Variants in ADAMTSL4 observed in about 807,000 individuals in gnomAD.
The protein encoded by ADAMTSL4 is ADAMTS-like protein 4.
ADAMTSL4 carries 97 observed loss-of-function variants against 122.8 expected under a neutral mutation model. The ratio of observed to expected loss-of-function variants is 0.79; its 90% CI spans 0.67 to 0.93. The LOEUF is 0.93. Ranked by LOEUF, ADAMTSL4 falls within the 40% of genes least tolerant of loss-of-function variation. The pLI, the probability that ADAMTSL4 is intolerant of heterozygous loss-of-function variation, is 0.00. For synonymous variants in ADAMTSL4, 592 were observed against 568.0 expected (o/e 1.04, Z -0.60); for missense variants, 1,408 against 1,453.5 (o/e 0.97, Z 0.51).
In ADAMTSL4 at chr1:150,552,252, C is replaced by T. The variant is rs200990322; in HGVS notation, c.-37C>T. On this transcript the variant is annotated 5_prime_UTR_variant, in exon 3 of 19. Transcript: ENST00000271643. This position sits in a 1 kb window ranked among gnomAD's most constrained non-coding sequence, Gnocchi z 4.0. Reference sequence around the variant, plus strand: ...GCCTGCGTAGTTTTTGTGACCAGTCCGCTCCTGCCTCCCCCTGGGGCAGTA... The same window carrying T: ...GCCTGCGTAGTTTTTGTGACCAGTCTGCTCCTGCCTCCCCCTGGGGCAGTA... The T allele has an allele frequency of 2.3e-5, 36 of 1,549,534 alleles. No individual in the cohort carries two copies. The highest frequency in any genetic ancestry group is 1.6e-4 in the Admixed American group (8 of 50,892).
In ADAMTSL4 at chr1:150,556,711, G is replaced by C. The variant is rs773684053; in HGVS notation, c.1667G>C (p.Arg556Pro). 1.4e-5 allele frequency: 23 copies of C among 1,613,882 alleles called. No individual in the cohort carries two copies. Among genetic ancestry groups the C allele is most frequent in the East Asian group, 2.2e-5 (1 of 44,882 alleles). Reference sequence around the variant, plus strand: ...TACAGGGCCGGCGGGACCGTCTTTCGATATAACCGTCCTCCCAGGGAGGAG... The same window carrying C: ...TACAGGGCCGGCGGGACCGTCTTTCCATATAACCGTCCTCCCAGGGAGGAG... Reference protein sequence around the residue: ...GSYRAGGTVFRYNRPPREEGK... With the variant: ...GSYRAGGTVFPYNRPPREEGK... The change falls in exon 10 of 19, where the codon CGA becomes CCA. Residue 556 changes from arginine (R) to proline (P), a missense_variant. Physicochemically the swap from Arg to Pro is moderately radical, Grantham distance 103. Coordinates refer to ENST00000271643, the MANE Select transcript of ADAMTSL4 (RefSeq NM_019032.6). The surrounding 1 kb of genome is among the most constrained non-coding windows in gnomAD (Gnocchi z 4.1).
At position 150,556,928 on chromosome 1, in the gene ADAMTSL4, C is replaced by G; in HGVS notation, c.1750-11C>G. The stretch of plus-strand genomic sequence containing the variant: ...CACCCCCACATATTCATTATCTTCT[C>G]TTCTCCCCAGATGATCTTTCAGGAG... On this transcript the variant is annotated splice_polypyrimidine_tract_variant and intron_variant, in intron 10 of 18. Coordinates refer to ENST00000271643, the MANE Select transcript of ADAMTSL4 (RefSeq NM_019032.6). The surrounding 1 kb of genome is among the most constrained non-coding windows in gnomAD (Gnocchi z 4.1). 1 of 1,612,944 alleles carries G rather than the reference C, an allele frequency of 6.2e-7. No homozygotes were observed.
Position 150,553,656 on chromosome 1 carries a change from A to C in ADAMTSL4, c.665A>C (p.His222Pro), listed in dbSNP as rs747366202. 1 of 1,613,220 alleles carries C rather than the reference A, an allele frequency of 6.2e-7. No individual in the cohort carries two copies. Among genetic ancestry groups the C allele is most frequent in the Non-Finnish European group, 8.5e-7 (1 of 1,179,778 alleles). Residue 222 changes from histidine to proline, a missense_variant, in exon 6 of 19, where the codon CAC (histidine) becomes CCC (proline). His to Pro is a moderately conservative substitution (Grantham distance 77). Coordinates refer to ENST00000271643, the MANE Select transcript of ADAMTSL4 (RefSeq NM_019032.6). ...CTCCCTCCCACAGAACTGTCTGTCC[A>C]CACCCCATCCCCCCAAGCAGAACCT... Reference protein sequence around the residue: ...TELPPTELSVHTPSPQAEPLS... With the variant: ...TELPPTELSVPTPSPQAEPLS...
rs1375971719 is a variant in ADAMTSL4 at position 150,559,040 on chromosome 1, C to T, written c.2638C>T (p.Gln880Ter). The T allele has an allele frequency of 6.2e-7, 1 of 1,612,414 alleles. No homozygotes were observed. Among genetic ancestry groups the T allele is most frequent in the Non-Finnish European group, 8.5e-7 (1 of 1,179,910 alleles). Reference sequence around the variant, plus strand: ...GAGTGGGGCAGCCCTCGGGCCAGGCCAGGGGGAAGCAGGAGCAGGAACTGG... The same window carrying T: ...GAGTGGGGCAGCCCTCGGGCCAGGCTAGGGGGAAGCAGGAGCAGGAACTGG... Reference protein sequence around the residue: ...LGSGAALGPGQGEAGAGTGQS... With the variant: ...LGSGAALGPG Residue 880 changes from glutamine to a stop codon, truncating the protein, a stop_gained, in exon 16 of 19, where the codon CAG (glutamine) becomes TAG (stop). Coordinates refer to ENST00000271643, the MANE Select transcript of ADAMTSL4 (RefSeq NM_019032.6). LOFTEE classifies it high-confidence loss of function. This position sits in a 1 kb window ranked among gnomAD's most constrained non-coding sequence, Gnocchi z 4.1.
In ADAMTSL4 at chr1:150,556,077, T is replaced by G. The variant is rs903910459; in HGVS notation, c.1372-85T>G. ...ACTTGTGGCACAAAAAGCAGGGTAGTGAGCTGAGGCTCCCGAGGGGACCGG... is the reference window on the plus strand; with the variant it reads ...ACTTGTGGCACAAAAAGCAGGGTAGGGAGCTGAGGCTCCCGAGGGGACCGG... On this transcript the variant is annotated intron_variant, in intron 8 of 18. Transcript: ENST00000271643. This position sits in a 1 kb window ranked among gnomAD's most constrained non-coding sequence, Gnocchi z 4.1. 3 of 1,469,364 alleles carry G rather than the reference T, an allele frequency of 2.0e-6. No homozygotes were observed. The highest frequency in any genetic ancestry group is 2.8e-5 in the African/African-American group (2 of 72,174). 91.0% of individuals were successfully genotyped at this position (1,469,364 alleles called of 1,614,324 possible).
chr1:150,554,285 C>G lies in ADAMTSL4; in HGVS notation c.1132-80C>G, dbSNP rs587732229. On this transcript the variant is annotated intron_variant, in intron 6 of 18. Transcript: ENST00000271643. This position sits in a 1 kb window ranked among gnomAD's most constrained non-coding sequence, Gnocchi z 4.0. ...GAGCTCTTCCGCTGACCTGAGCCTCCCACCTGCTCCCCAGGTTCAGCCCTG... is the reference window on the plus strand; with the variant it reads ...GAGCTCTTCCGCTGACCTGAGCCTCGCACCTGCTCCCCAGGTTCAGCCCTG... The G allele has an allele frequency of 4.9e-4, 727 of 1,492,856 alleles. No individual in the cohort carries two copies. Among genetic ancestry groups the G allele is most frequent in the Non-Finnish European group, 6.2e-4 (671 of 1,073,844 alleles). The allele number at this position is 1,492,856 out of a possible 1,614,324, so 92.5% of individuals were successfully genotyped here.
chr1:150,559,334 T>C lies in ADAMTSL4; in HGVS notation c.2811T>C (p.Cys937=). Residue 937 remains cysteine, a synonymous_variant, in exon 17 of 19, where the codon TGT becomes TGC. Coordinates refer to ENST00000271643, the MANE Select transcript of ADAMTSL4 (RefSeq NM_019032.6). The surrounding 1 kb of genome is among the most constrained non-coding windows in gnomAD (Gnocchi z 4.1). The part of the protein sequence containing the change: ...GSGTQRRDII[C]VSKLGTEFNV... ...GCACACAGCGTAGAGACATCATCTG[T>C]GTATCCAAACTGGGGACGGAGTTCA... 6.2e-7 allele frequency: 1 copy of C among 1,613,994 alleles called. No homozygotes were observed. The highest frequency in any genetic ancestry group is 8.5e-7 in the Non-Finnish European group (1 of 1,179,988).
chr1:150,560,572 G>C lies in ADAMTSL4; in HGVS notation c.*376G>C, dbSNP rs1222838849. On this transcript the variant is annotated 3_prime_UTR_variant, in exon 19 of 19. Transcript: ENST00000271643. Reference sequence around the variant, plus strand: ...TCCTTGCTAATCTGAGCTACTTAGAGTGTGGTCTCCCCACCAACTCCAGTT... The same window carrying C: ...TCCTTGCTAATCTGAGCTACTTAGACTGTGGTCTCCCCACCAACTCCAGTT... The C allele has an allele frequency of 1.4e-5, 4 of 292,434 alleles. No individual in the cohort carries two copies. The highest frequency in any genetic ancestry group is 1.4e-4 in the Admixed American group (3 of 22,080). The allele number at this position is 292,434 out of a possible 1,614,324, so 18.1% of individuals were successfully genotyped here.
intron 2 of ADAMTSL4, chr1:150,551,609 A>G (rs1671414375): frequency 6.4e-6 from 1 of 157,180 alleles, no homozygotes; most frequent in Admixed American, 6.1e-5. Context: ...TTTTAGAAGG[A>G]GCCCTCTGGC....
Position 150,552,916 on chromosome 1 carries a change from C to T in ADAMTSL4, c.97C>T (p.Leu33Phe), listed in dbSNP as rs764414687. 14 of 1,612,932 alleles carry T rather than the reference C, an allele frequency of 8.7e-6. No individual in the cohort carries two copies. The highest frequency in any genetic ancestry group is 1.2e-5 in the Non-Finnish European group (14 of 1,179,996). The change falls in exon 5 of 19, where the codon CTT becomes TTT. Residue 33 changes from leucine to phenylalanine, a missense_variant. Physicochemically the swap from Leu to Phe is conservative, Grantham distance 22. Coordinates refer to ENST00000271643, the MANE Select transcript of ADAMTSL4 (RefSeq NM_019032.6). This position sits in a 1 kb window ranked among gnomAD's most constrained non-coding sequence, Gnocchi z 4.0. ...TATATAGGTGTTGTCCGGACACTCT[C>T]TTCAGACACCTACAGAGGAGGGCCA... ...LDQEVLSGHS[L>F]QTPTEEGQGP...
At chr1:150,555,864 A>G (rs1021990076) in intron 8 of ADAMTSL4, 3 of 603,794 alleles carry the variant, frequency 5.0e-6, no homozygotes, top group Admixed American at 2.7e-5. Context: ...CACATGCATG[A>G]ACACATGCAC....
rs765238440 is a variant in ADAMTSL4 at position 150,560,148 on chromosome 1, C to T, written c.3177C>T (p.Cys1059=). The stretch of plus-strand genomic sequence containing the variant: ...ACCCCTACTACACAGCCACCTGTTG[C>T]CGCTCTTGCGCACATGTCCTGGAGC... ...CVYPYYTATC[C]RSCAHVLERS... Residue 1059 remains cysteine, a synonymous_variant, in exon 19 of 19, where the codon TGC becomes TGT. Transcript: ENST00000271643. 36 of 1,613,978 alleles carry T rather than the reference C, an allele frequency of 2.2e-5. No homozygotes were observed. Among genetic ancestry groups the T allele is most frequent in the Non-Finnish European group, 2.9e-5 (34 of 1,180,032 alleles).
At position 150,553,559 on chromosome 1, in the gene ADAMTSL4, G is replaced by A. The variant is rs1401717344; in HGVS notation, c.568G>A (p.Gly190Arg). ...RSELSLISSRGEEAIPSPTPR... is the reference protein window; with the variant it reads ...RSELSLISSRREEAIPSPTPR... ...TGAGCTGTCCCTGATCTCTTCTAGAGGGGAAGAGGCTATTCCGTCCCCTAC... is the reference window on the plus strand; with the variant it reads ...TGAGCTGTCCCTGATCTCTTCTAGAAGGGAAGAGGCTATTCCGTCCCCTAC... The change falls in exon 6 of 19, where the codon GGG (glycine) becomes AGG (arginine). Residue 190 changes from glycine (G) to arginine (R), a missense_variant. Gly to Arg is a moderately radical substitution (Grantham distance 125). Coordinates refer to ENST00000271643, the MANE Select transcript of ADAMTSL4 (RefSeq NM_019032.6). 6.2e-7 allele frequency: 1 copy of A among 1,613,592 alleles called. No homozygotes were observed. Among genetic ancestry groups the A allele is most frequent in the Non-Finnish European group, 8.5e-7 (1 of 1,179,854 alleles).
At position 150,555,540 on chromosome 1, in the gene ADAMTSL4, A is replaced by T. The variant is rs1173114031; in HGVS notation, c.1346A>T (p.Asp449Val). The change falls in exon 8 of 19, where the codon GAC becomes GTC. Residue 449 changes from aspartate to valine, a missense_variant. By Grantham distance (152) the Asp-to-Val change is radical. Transcript: ENST00000271643. Reference sequence around the variant, plus strand: ...ACCCTGTGTCAGCCTGGAGCCCCTGACATCTGTGTGGCTGGACGCTGTCTG... The same window carrying T: ...ACCCTGTGTCAGCCTGGAGCCCCTGTCATCTGTGTGGCTGGACGCTGTCTG... ...DGTLCQPGAP[D>V]ICVAGRCLSP... 2 of 1,613,970 alleles carry T rather than the reference A, an allele frequency of 1.2e-6. No homozygotes were observed. Among genetic ancestry groups the T allele is most frequent in the Non-Finnish European group, 1.7e-6 (2 of 1,180,018 alleles).
At chr1:150,550,481 G>C (rs1272208028) in intron 2 of ADAMTSL4, 1 of 378,454 alleles carries the variant, frequency 2.6e-6, no homozygotes, top group African/African-American at 2.1e-5. Context: ...ATGTGTACTG[G>C]GTAGACCCGT....
chr1:150,554,801 C>A lies in ADAMTSL4; in HGVS notation c.1234+334C>A, dbSNP rs977045953. 6.5e-6 allele frequency: 5 copies of A among 763,520 alleles called. No homozygotes were observed. The highest frequency in any genetic ancestry group is 5.4e-5 in the South Asian group (3 of 55,454). The allele number at this position is 763,520 out of a possible 1,614,324, so 47.3% of individuals were successfully genotyped here. A position where few individuals can be genotyped will look rare whatever the true frequency, so the allele number is the denominator to read the frequency against. On this transcript the variant is annotated intron_variant, in intron 7 of 18. Coordinates refer to ENST00000271643, the MANE Select transcript of ADAMTSL4 (RefSeq NM_019032.6). The surrounding 1 kb of genome is among the most constrained non-coding windows in gnomAD (Gnocchi z 4.0). Reference sequence around the variant, plus strand: ...GTGACAGCCAGGTGGGGGTGTGCCACGCATCCTGGGCACTGTCGTATCGGT... The same window carrying A: ...GTGACAGCCAGGTGGGGGTGTGCCAAGCATCCTGGGCACTGTCGTATCGGT...
chr1:150,550,083 C>A (rs1671240956), intron 2 of ADAMTSL4, 188 bp downstream of exon 2: 1 of 369,726 alleles, frequency 2.7e-6, no homozygotes, highest in African/African-American at 2.1e-5. Context: ...AGCAGGGAGA[C>A]CTGGGGGTGA....
At position 150,552,472 on chromosome 1, in the gene ADAMTSL4, G is replaced by T. The variant is rs2101559992; in HGVS notation, c.21-71G>T. 1.2e-6 allele frequency: 2 copies of T among 1,605,318 alleles called. No individual in the cohort carries two copies. The highest frequency in any genetic ancestry group is 2.2e-5 in the East Asian group (1 of 44,824). On this transcript the variant is annotated intron_variant, in intron 3 of 18. Transcript: ENST00000271643. The surrounding 1 kb of genome is among the most constrained non-coding windows in gnomAD (Gnocchi z 4.0). ...AGTCAGGATATGGGAGCCGGCTGGG[G>T]GCGGAGGGCAGTGTTGCAACACCCC...
At position 150,552,871 on chromosome 1, in the gene ADAMTSL4, T is replaced by A. The variant is rs765034632; in HGVS notation, c.79-27T>A. 1.7e-5 allele frequency: 28 copies of A among 1,604,368 alleles called. No homozygotes were observed. The highest frequency in any genetic ancestry group is 2.0e-5 in the Non-Finnish European group (23 of 1,174,954). On this transcript the variant is annotated intron_variant, in intron 4 of 18. Coordinates refer to ENST00000271643, the MANE Select transcript of ADAMTSL4 (RefSeq NM_019032.6). This position sits in a 1 kb window ranked among gnomAD's most constrained non-coding sequence, Gnocchi z 4.0. ...GGACAGTTCCCTCTAATCCTTCCAA[T>A]TCTGTCTGACCTTTTTCTCTATATA...
Sources: gnomAD v4.1 joint callset for allele counts on GRCh38, gnomAD v4.1.1 for gene constraint, Gnocchi (gnomAD v3.1) non-coding constraint, MANE v1.5 for transcripts, NCBI Gene and HGNC (gene_info 2026-07-23, HGNC 2026-07-21) for gene names.